The following ANGPTL1 variants were observed in gnomAD, a reference collection of about 807,000 sequenced individuals.
The protein encoded by ANGPTL1 is angiopoietin-related protein 1.
A neutral mutation model predicts 46.7 loss-of-function variants in ANGPTL1; 36 were observed. The observed-to-expected ratio is 0.77, with a 90% CI of 0.59 to 1.02. The LOEUF is 1.02. ANGPTL1 is among the 50% of genes least tolerant of loss of function. The pLI is 0.00. For missense variants in ANGPTL1, 571 were observed against 594.7 expected, an observed-to-expected ratio of 0.96 and a Z score of 0.41; for synonymous variants, 221 against 204.3, an observed-to-expected ratio of 1.08 and a Z score of -0.69.
rs1657996425 is a variant in ANGPTL1 at position 178,861,357 on chromosome 1, G to A, written c.823+3597C>T. Among the ~76,000 whole-genome samples the A allele has an allele frequency of 2.0e-5, 3 of 151,978 alleles. No individual in the cohort carries two copies. In the South Asian group the frequency reaches 6.3e-4, roughly 32 times the overall value. ...TTAAAGAAAGTTTCACTGGGGATAG[G>A]TACACCATGTTTTCATTAAAACAAA... On this transcript the variant is annotated intron_variant, in intron 3 of 5. Coordinates refer to ENST00000234816, the MANE Select transcript of ANGPTL1 (RefSeq NM_004673.4).
rs768591296 is a variant in ANGPTL1 at position 178,852,821 on chromosome 1, T to C, written c.1150A>G (p.Ser384Gly). 115 of 1,613,996 alleles carry C rather than the reference T, an allele frequency of 7.1e-5. 1 individual carries two copies. Among genetic ancestry groups the C allele is most frequent in the South Asian group, 5.8e-4 (53 of 91,080 alleles). The change falls in exon 5 of 6, where the codon AGC becomes GGC. Residue 384 changes from serine (S) to glycine (G), a missense_variant. Ser to Gly is a moderately conservative substitution (Grantham distance 56). Coordinates refer to ENST00000234816, the MANE Select transcript of ANGPTL1 (RefSeq NM_004673.4). The part of the protein sequence containing the change: ...WSDKKVYAEY[S>G]SFRLEPESEF... ...CTTTCAGGTTCCAGACGAAAGCTGC[T>C]GTATTCTGCATAGACTTTTTTATCA...
chr1:178,853,505 T>C (rs1657319886), intron 4 of ANGPTL1, 89 bp downstream of exon 4: 1 of 1,047,324 alleles, frequency 9.5e-7, no homozygotes, highest in Non-Finnish European at 1.3e-6. Flanking sequence ...TTTAACTGTG[T>C]GTCTTATTTA....
At chr1:178,853,281 C>T (rs1238852590) in intron 4 of ANGPTL1, 2 of 909,602 alleles carry the variant, frequency 2.2e-6, no homozygotes, top group African/African-American at 1.8e-5. Flanking sequence ...AAAAAGGGTT[C>T]CTGGTCTCTC....
At chr1:178,853,460 GATGTAGATAATGAAAAAACAT>G in intron 4 of ANGPTL1, 113 bp downstream of exon 4, 2 of 816,242 alleles carry the variant, frequency 2.5e-6, no homozygotes, top group Non-Finnish European at 3.5e-6. Context: ...TTTTTTGACA[GATGTAGATAATGAAAAAACAT>G]ATGGATAGTT....
At position 178,852,722 on chromosome 1, in the gene ANGPTL1, G is replaced by A. The variant is rs1558150005; in HGVS notation, c.1249C>T (p.Gln417Ter). ...GDSMMWHNGK[Q>*]FTTLDRDKDM... is the part of the protein sequence containing the mutation. Reference sequence around the variant, plus strand: ...TTATCTCTGTCCAGTGTGGTGAATTGTTTACCATTATGCCACATCATAGAA... The same window carrying A: ...TTATCTCTGTCCAGTGTGGTGAATTATTTACCATTATGCCACATCATAGAA... Residue 417 changes from glutamine (Q) to a stop codon, truncating the protein, a stop_gained, in exon 5 of 6, where the codon CAA becomes TAA. Transcript: ENST00000234816. LOFTEE classifies it high-confidence loss of function. 1.2e-6 allele frequency: 2 copies of A among 1,613,656 alleles called. No individual in the cohort carries two copies. The highest frequency in any genetic ancestry group is 1.3e-5 in the African/African-American group (1 of 75,004).
intron 1 of ANGPTL1, among the ~76,000 whole-genome samples, chr1:178,870,028 G>C (rs779877698): frequency 1.3e-5 from 2 of 151,924 alleles, no homozygotes; most frequent in Non-Finnish European, 2.9e-5. Context: ...CTTACATAAT[G>C]CTTTTGTGTG....
chr1:178,862,857 G>A (rs1315622354), intron 3 of ANGPTL1, among the ~76,000 whole-genome samples: 5 of 152,164 alleles, frequency 3.3e-5, no homozygotes, highest in Admixed American at 3.3e-4. Context: ...AAGCAGATAT[G>A]TGAGTAGTTT....
chr1:178,856,202 G>GAGATAGAT (rs1428022812), intron 3 of ANGPTL1, among the ~76,000 whole-genome samples: 1 of 83,912 alleles, frequency 1.2e-5, no homozygotes, highest in African/African-American at 6.4e-5. Flanking sequence ...GAGAGAGAGA[G>GAGATAGAT]ATATATATAT....
intron 3 of ANGPTL1, among the ~76,000 whole-genome samples, chr1:178,861,017 T>C (rs1192271463): frequency 6.6e-6 from 1 of 152,186 alleles, no homozygotes; most frequent in Non-Finnish European, 1.5e-5. Flanking sequence ...CATCACAGAA[T>C]ATTAGAATTT....
intron 3 of ANGPTL1, among the ~76,000 whole-genome samples, chr1:178,859,856 A>G (rs889579792): frequency 1.9e-4 from 20 of 102,836 alleles, no homozygotes; most frequent in African/African-American, 7.7e-4. Flanking sequence ...AGCTGGGACT[A>G]CAGGCGCCCG....
intron 1 of ANGPTL1, among the ~76,000 whole-genome samples, chr1:178,869,735 A>G (rs1297584810): frequency 2.0e-5 from 3 of 152,172 alleles, no homozygotes; most frequent in Non-Finnish European, 4.4e-5. Context: ...TGCTTGTTCA[A>G]GATTCTTAAC....
At chr1:178,867,958 GA>G (rs1274497180) in intron 2 of ANGPTL1, among the ~76,000 whole-genome samples, 1 of 151,948 alleles carries the variant, frequency 6.6e-6, no homozygotes, top group Admixed American at 6.6e-5. Flanking sequence ...GGTAGATAAT[GA>G]AAATAAGGCA....
At chr1:178,867,848 A>G (rs1572429786) in intron 2 of ANGPTL1, among the ~76,000 whole-genome samples, 1 of 151,800 alleles carries the variant, frequency 6.6e-6, no homozygotes, top group Non-Finnish European at 1.5e-5. Context: ...TCAATGAAAT[A>G]TAACTCTTAT....
intron 3 of ANGPTL1, among the ~76,000 whole-genome samples, chr1:178,857,827 G>A (rs746699991): frequency 2.1e-4 from 32 of 152,092 alleles, no homozygotes; most frequent in Non-Finnish European, 3.7e-4. Context: ...AAACATCAGT[G>A]TTCTGAATGT....
In ANGPTL1 at chr1:178,852,535, A is replaced by G. The variant is rs1014092741; in HGVS notation, c.1288+148T>C. On this transcript the variant is annotated intron_variant, in intron 5 of 5. Coordinates refer to ENST00000234816, the MANE Select transcript of ANGPTL1 (RefSeq NM_004673.4). Reference sequence around the variant, plus strand: ...CCTTATAGAAGAAATCCTAAAAGCTATTTCTTTCAGTAGGTTGGTTGTATT... The same window carrying G: ...CCTTATAGAAGAAATCCTAAAAGCTGTTTCTTTCAGTAGGTTGGTTGTATT... 1.2e-5 allele frequency: 9 copies of G among 732,168 alleles called. No homozygotes were observed. The Admixed American group carries it at 1.8e-4, about 15-fold the overall frequency. The allele number at this position is 732,168 out of a possible 1,614,324, so 45.4% of individuals were successfully genotyped here.
At chr1:178,868,012 A>G (rs902998019) in intron 2 of ANGPTL1, among the ~76,000 whole-genome samples, 1 of 151,462 alleles carries the variant, frequency 6.6e-6, no homozygotes, top group African/African-American at 2.4e-5. Context: ...TTTACTAACA[A>G]GAGAGGGAAT....
At chr1:178,853,225 A>T in intron 4 of ANGPTL1, 1 of 984,912 alleles carries the variant, frequency 1.0e-6, no homozygotes, top group Non-Finnish European at 1.2e-6. Context: ...AATAAAATTT[A>T]TCCATAGCTA....
rs549848797 is a variant in ANGPTL1 at position 178,870,690 on chromosome 1, G to A, written c.-137+51C>T. On this transcript the variant is annotated intron_variant, in intron 1 of 5. Transcript: ENST00000234816. Reference sequence around the variant, plus strand: ...AAATTTCTACTACAAATATAAAATAGTTATGCATTTGCTATACATAATATT... The same window carrying A: ...AAATTTCTACTACAAATATAAAATAATTATGCATTTGCTATACATAATATT... 2.6e-5 allele frequency: 4 copies of A among 152,166 alleles called. No homozygotes were observed. The South Asian group carries it at 8.3e-4, about 32-fold the overall frequency. The allele number at this position is 152,166 out of a possible 1,614,324, so 9.4% of individuals were successfully genotyped here.
rs1657160829 is a variant in ANGPTL1, at chr1:178,851,327, A to C, written c.1289-11T>G. The C allele has an allele frequency of 1.2e-6, 2 of 1,600,100 alleles. No individual in the cohort carries two copies. Among genetic ancestry groups the C allele is most frequent in the Admixed American group, 3.5e-5 (2 of 57,754 alleles). On this transcript the variant is annotated splice_polypyrimidine_tract_variant and intron_variant, in intron 5 of 5. Coordinates refer to ENST00000234816, the MANE Select transcript of ANGPTL1 (RefSeq NM_004673.4). Reference sequence around the variant, plus strand: ...AGTGGGCGCAGTTTCCTTTGAGGAAAAAATACAGATATAAATGTAAAAGTT... The same window carrying C: ...AGTGGGCGCAGTTTCCTTTGAGGAACAAATACAGATATAAATGTAAAAGTT...
Sources: allele counts gnomAD v4.1 joint callset (sites outside exome capture counted in the v4.1 genomes callset), GRCh38; gene constraint gnomAD v4.1.1; transcripts MANE v1.5; gene names NCBI Gene and HGNC (gene_info 2026-07-23, HGNC 2026-07-21).